The following KCNH8 variants were observed in gnomAD, a reference collection of about 807,000 sequenced individuals.
KCNH8 encodes the protein voltage-gated delayed rectifier potassium channel KCNH8.
In KCNH8, 70 loss-of-function variants were observed where a neutral mutation model predicts 103.6. The observed-to-expected ratio is 0.68, with a 90% CI of 0.56 to 0.82. KCNH8 has a LOEUF of 0.82. Ranked by LOEUF, KCNH8 falls within the 40% of genes least tolerant of loss-of-function variation. The pLI is 0.00. For missense variants in KCNH8, 1,217 were observed against 1,329.9 expected (o/e 0.92, Z 1.32); for synonymous variants, 498 against 489.4 (o/e 1.02, Z -0.23).
intron 4 of KCNH8, among the ~76,000 whole-genome samples, chr3:19,347,413 A>G (rs1057293694): frequency 6.6e-6 from 1 of 152,076 alleles, no homozygotes; most frequent in Non-Finnish European, 1.5e-5. Flanking sequence ...ATGTGTGTAG[A>G]ATTACATGTA....
chr3:19,219,132 A>G (rs866632257), intron 1 of KCNH8, among the ~76,000 whole-genome samples: 19 of 152,180 alleles, frequency 1.2e-4, no homozygotes, highest in Middle Eastern at 3.4e-3. Flanking sequence ...CTGCTGCCCT[A>G]AAGTCTTTGC....
chr3:19,205,147 A>G (rs1387397346), intron 1 of KCNH8, among the ~76,000 whole-genome samples: 2 of 151,782 alleles, frequency 1.3e-5, no homozygotes, highest in Non-Finnish European at 2.9e-5. Flanking sequence ...CTATCTATCT[A>G]CCTATCCATC....
intron 2 of KCNH8, among the ~76,000 whole-genome samples, chr3:19,257,258 T>A (rs2064358425): frequency 6.6e-6 from 1 of 152,056 alleles, no homozygotes. Flanking sequence ...TTTGCCTATT[T>A]GTTCCTTAAT....
chr3:19,159,927 A>G (rs957820305), intron 1 of KCNH8, among the ~76,000 whole-genome samples: 1 of 152,162 alleles, frequency 6.6e-6, no homozygotes, highest in African/African-American at 2.4e-5. Flanking sequence ...TACATGCAAT[A>G]TATTTAGAAC....
intron 7 of KCNH8, among the ~76,000 whole-genome samples, chr3:19,427,773 T>C (rs1202964876): frequency 3.1e-4 from 47 of 152,108 alleles, no homozygotes; most frequent in Admixed American, 3.0e-3. Flanking sequence ...TGGGGAAGTG[T>C]TCAGAAAAGT....
At chr3:19,469,976 T>A (rs1430195944) in intron 11 of KCNH8, among the ~76,000 whole-genome samples, 2 of 152,186 alleles carry the variant, frequency 1.3e-5, no homozygotes, top group African/African-American at 4.8e-5. Context: ...ACCCTGAAGT[T>A]CTAGACTCCT....
chr3:19,399,311 T>C (rs2066573169), intron 7 of KCNH8, among the ~76,000 whole-genome samples: 1 of 151,956 alleles, frequency 6.6e-6, no homozygotes, highest in African/African-American at 2.4e-5. Flanking sequence ...CGTCAATAAA[T>C]ATCTAAAAAT....
At chr3:19,359,477 G>A (rs2065921249) in intron 5 of KCNH8, among the ~76,000 whole-genome samples, 1 of 151,976 alleles carries the variant, frequency 6.6e-6, no homozygotes, top group Admixed American at 6.6e-5. Flanking sequence ...TTAGACTATA[G>A]GAGATTTGAA....
intron 11 of KCNH8, among the ~76,000 whole-genome samples, chr3:19,470,606 A>T (rs1431426963): frequency 6.6e-6 from 1 of 152,192 alleles, no homozygotes; most frequent in Non-Finnish European, 1.5e-5. Context: ...GGGGGCTTCA[A>T]GGATGAAGAG....
chr3:19,302,985 T>C (rs1441979799), intron 3 of KCNH8, among the ~76,000 whole-genome samples: 1 of 152,212 alleles, frequency 6.6e-6, no homozygotes, highest in Non-Finnish European at 1.5e-5. Context: ...AGTCAGTCTT[T>C]TATATCATCT....
intron 1 of KCNH8, among the ~76,000 whole-genome samples, chr3:19,155,613 C>T (rs182750589): frequency 1.6e-4 from 24 of 152,274 alleles, no homozygotes; most frequent in Non-Finnish European, 3.2e-4. Context: ...CTTTTCCAAC[C>T]ACTGTCTCCC....
intron 1 of KCNH8, among the ~76,000 whole-genome samples, chr3:19,221,561 A>G (rs940047758): frequency 4.0e-5 from 6 of 151,574 alleles, no homozygotes; most frequent in African/African-American, 1.2e-4. Context: ...CTCCTAATTT[A>G]TTTGTTTTTT....
At chr3:19,403,918 A>G (rs1269142663) in intron 7 of KCNH8, among the ~76,000 whole-genome samples, 1 of 151,846 alleles carries the variant, frequency 6.6e-6, no homozygotes, top group Admixed American at 6.6e-5. Context: ...TATGTTTTAC[A>G]TTATGCCCCA....
chr3:19,200,661 A>C (rs1245519400), intron 1 of KCNH8, among the ~76,000 whole-genome samples: 2 of 152,102 alleles, frequency 1.3e-5, no homozygotes. Flanking sequence ...TTTTTGTTAA[A>C]GATTTGATGT....
In KCNH8 at chr3:19,259,752, C is replaced by CATAT. The variant is rs34904245; in HGVS notation, c.310+5876_310+5879dup. On this transcript the variant is annotated intron_variant, in intron 2 of 15. Transcript: ENST00000328405. ...GGATACATACACACATATATATGTA[C>CATAT]ATATATATATATATGCATATATGTA... Among the ~76,000 whole-genome samples, 669 of 145,572 alleles carry CATAT rather than the reference C, an allele frequency of 4.6e-3. 4 individuals are homozygous for CATAT. Among genetic ancestry groups the CATAT allele is most frequent in the East Asian group, 0.029 (144 of 4,962 alleles).
intron 11 of KCNH8, among the ~76,000 whole-genome samples, chr3:19,509,742 A>G (rs544302405): frequency 3.3e-5 from 5 of 152,252 alleles, no homozygotes; most frequent in Middle Eastern, 3.4e-3. Flanking sequence ...ATTTGATTCA[A>G]TTAGGGGATT....
At chr3:19,230,943 T>TA (rs552116940) in intron 1 of KCNH8, among the ~76,000 whole-genome samples, 54 of 152,322 alleles carry the variant, frequency 3.5e-4, no homozygotes, top group Non-Finnish European at 7.2e-4. Context: ...AAGAAAGATG[T>TA]AAAATGCGTT....
intron 2 of KCNH8, among the ~76,000 whole-genome samples, chr3:19,258,945 C>CTATATATATA (rs1165506732): frequency 2.4e-4 from 10 of 42,250 alleles, no homozygotes; most frequent in Non-Finnish European, 4.1e-4. Flanking sequence ...CTCTCTCTCT[C>CTATATATATA]TCTATATATA....
At chr3:19,179,990 C>G (rs1478559793) in intron 1 of KCNH8, among the ~76,000 whole-genome samples, 5 of 152,046 alleles carry the variant, frequency 3.3e-5, no homozygotes, top group Non-Finnish European at 5.9e-5. Context: ...TGGCCAGAAT[C>G]AGAGTACATA....
Sources: gnomAD v4.1 joint callset for allele counts (sites outside exome capture counted in the v4.1 genomes callset) on GRCh38, gnomAD v4.1.1 for gene constraint, MANE v1.5 for transcripts, NCBI Gene and HGNC (gene_info 2026-07-23, HGNC 2026-07-21) for gene names.